Variants in WEE2 observed in about 807,000 individuals in gnomAD.
The protein encoded by WEE2 is WEE2 oocyte meiosis inhibiting kinase.
Under a neutral mutation model 60.1 loss-of-function variants are expected in WEE2, and 50 were observed. That is an observed-to-expected ratio of 0.83 (90% CI 0.66 to 1.05). WEE2 has a LOEUF of 1.05. Among genes scored for constraint, WEE2 ranks in the 50% least tolerant of loss-of-function variants. WEE2 has a pLI of 0.00. For missense variants in WEE2, 631 were observed against 684.3 expected, an observed-to-expected ratio of 0.92 and a Z score of 0.87; for synonymous variants, 240 against 241.0, an observed-to-expected ratio of 1.00 and a Z score of 0.04.
chr7:141,712,717 C>T (rs1033364898), intron 1 of WEE2, among the ~76,000 whole-genome samples: 3 of 151,988 alleles, frequency 2.0e-5, no homozygotes, highest in African/African-American at 7.3e-5. Flanking sequence ...TTTTCTAGGC[C>T]CCTTATACTT....
rs1232682789 is a variant in WEE2 at position 141,725,208 on chromosome 7, T to TA, written c.1392+13dup. 19 of 1,607,568 alleles carry TA rather than the reference T, an allele frequency of 1.2e-5. No homozygotes were observed. Among genetic ancestry groups the TA allele is most frequent in the Admixed American group, 5.1e-5 (3 of 58,402 alleles). ...CCAGTCTGCTCAAGGTGATAGCTCTTACGAGATGAACAGAAGATGCAATAT... is the reference window on the plus strand; with the variant it reads ...CCAGTCTGCTCAAGGTGATAGCTCTTAACGAGATGAACAGAAGATGCAATAT... On this transcript the variant is annotated intron_variant, in intron 9 of 11. Coordinates refer to ENST00000397541, the MANE Select transcript of WEE2 (RefSeq NM_001105558.1).
intron 1 of WEE2, among the ~76,000 whole-genome samples, chr7:141,712,007 G>A (rs4726469): frequency 0.66 from 99,709 of 152,034 alleles, 34,288 homozygotes; most frequent in African/African-American, 0.88. Context: ...ATCTACCTCT[G>A]TAATCCAAAT....
Position 141,709,058 on chromosome 7 carries a change from C to G in WEE2, c.300C>G (p.Ser100Arg), listed in dbSNP as rs200952105. 2.5e-6 allele frequency: 4 copies of G among 1,613,982 alleles called. No homozygotes were observed. The East Asian group carries it at 8.9e-5, about 36-fold the overall frequency. Residue 100 changes from serine (S) to arginine (R), a missense_variant, in exon 1 of 12, where the codon AGC (serine) becomes AGG (arginine). Transcript: ENST00000397541. ...CTGAGACACCAGCCCAACCAGACAGCAGGAGCAAGCTGCTGCCCAGTGACA... is the reference window on the plus strand; with the variant it reads ...CTGAGACACCAGCCCAACCAGACAGGAGGAGCAAGCTGCTGCCCAGTGACA... ...KCPETPAQPDSRSKLLPSDSP... is the reference protein window; with the variant it reads ...KCPETPAQPDRRSKLLPSDSP...
At chr7:141,726,461 A>C (rs1352893545) in intron 9 of WEE2, among the ~76,000 whole-genome samples, 1 of 152,088 alleles carries the variant, frequency 6.6e-6, no homozygotes, top group Non-Finnish European at 1.5e-5. Flanking sequence ...TGCAAACTTC[A>C]AATGTATTTA....
chr7:141,710,530 C>G (rs1798693654), intron 1 of WEE2, among the ~76,000 whole-genome samples: 1 of 152,080 alleles, frequency 6.6e-6, no homozygotes, highest in African/African-American at 2.4e-5. Context: ...AAAGATTAAA[C>G]AAATGAAACA....
intron 3 of WEE2, among the ~76,000 whole-genome samples, chr7:141,718,739 G>C (rs142716634): frequency 6.6e-6 from 1 of 152,190 alleles, no homozygotes; most frequent in African/African-American, 2.4e-5. Flanking sequence ...GTTATTCTTT[G>C]AACTAAGGAC....
At chr7:141,718,232 A>C (rs1353904564) in intron 3 of WEE2, among the ~76,000 whole-genome samples, 1 of 152,160 alleles carries the variant, frequency 6.6e-6, no homozygotes, top group Non-Finnish European at 1.5e-5. Flanking sequence ...AGAAAAGATG[A>C]CTTTGGGAGA....
chr7:141,711,564 G>C lies in WEE2; in HGVS notation c.342+2464G>C, dbSNP rs1798711528. Reference sequence around the variant, plus strand: ...ATTCAGTTCACTGTAAGGACTTCCTGACAGAATCATCTAGAGATAGAAGAG... The same window carrying C: ...ATTCAGTTCACTGTAAGGACTTCCTCACAGAATCATCTAGAGATAGAAGAG... On this transcript the variant is annotated intron_variant, in intron 1 of 11. Transcript: ENST00000397541. This position sits in a 1 kb window ranked among gnomAD's most constrained non-coding sequence, Gnocchi z 4.2. Among the ~76,000 whole-genome samples the C allele has an allele frequency of 1.3e-5, 2 of 152,174 alleles. No homozygotes were observed. Among genetic ancestry groups the C allele is most frequent in the African/African-American group, 4.8e-5 (2 of 41,434 alleles).
At chr7:141,724,936 A>G (rs964176588) in intron 8 of WEE2, 90 bp from the exon 9 acceptor site, 5 of 1,434,230 alleles carry the variant, frequency 3.5e-6, no homozygotes, top group South Asian at 1.3e-5. Context: ...CCTTATATGC[A>G]CTCGAATGAA....
chr7:141,715,471 G>A (rs1018486100), intron 2 of WEE2, among the ~76,000 whole-genome samples: 2 of 152,160 alleles, frequency 1.3e-5, no homozygotes, highest in Admixed American at 6.5e-5. Flanking sequence ...TTCCATGAAT[G>A]TAGTGCCTTC....
At chr7:141,717,107 G>A (rs1798817537) in intron 3 of WEE2, among the ~76,000 whole-genome samples, 2 of 152,180 alleles carry the variant, frequency 1.3e-5, no homozygotes, top group South Asian at 4.1e-4. Context: ...TGTTTAGTGT[G>A]CAAAAGACTC....
intron 8 of WEE2, 90 bp from the exon 9 acceptor site, chr7:141,724,936 A>C (rs964176588): frequency 1.3e-5 from 19 of 1,434,230 alleles, no homozygotes; most frequent in Non-Finnish European, 1.8e-5. Flanking sequence ...CCTTATATGC[A>C]CTCGAATGAA....
At chr7:141,729,112 T>G (rs1799077530) in intron 10 of WEE2, among the ~76,000 whole-genome samples, 1 of 152,252 alleles carries the variant, frequency 6.6e-6, no homozygotes, top group Non-Finnish European at 1.5e-5. Flanking sequence ...TCAGCTCTGC[T>G]GTTATATGTT....
At chr7:141,709,525 ATTG>A (rs1022844321) in intron 1 of WEE2, among the ~76,000 whole-genome samples, 64 of 152,280 alleles carry the variant, frequency 4.2e-4, no homozygotes, top group Admixed American at 3.7e-3. Flanking sequence ...GGCCTAGTCT[ATTG>A]TTCTTTCCAT....
At chr7:141,727,265 G>A (rs1799033912) in intron 9 of WEE2, 39 bp from the exon 10 acceptor site, 3 of 1,580,108 alleles carry the variant, frequency 1.9e-6, no homozygotes, top group Non-Finnish European at 2.6e-6. Flanking sequence ...TCCCAATAGT[G>A]AAGCTTCTGT....
intron 1 of WEE2, among the ~76,000 whole-genome samples, 173 bp downstream of exon 1, chr7:141,709,273 G>C (rs1370097701): frequency 6.6e-6 from 1 of 152,216 alleles, no homozygotes; most frequent in Non-Finnish European, 1.5e-5. Context: ...AAAATGGACA[G>C]AATTAAATGG....
chr7:141,725,346 TC>T, intron 9 of WEE2, 150 bp downstream of exon 9: 2 of 919,994 alleles, frequency 2.2e-6, no homozygotes, highest in Non-Finnish European at 3.2e-6. Context: ...AAGGGGCGGG[TC>T]CAGGCATGGT....
intron 2 of WEE2, among the ~76,000 whole-genome samples, chr7:141,714,745 G>A (rs562420595): frequency 1.3e-5 from 2 of 152,326 alleles, no homozygotes; most frequent in African/African-American, 2.4e-5. Flanking sequence ...GTTGGGGAAC[G>A]TGTAGCTCAA....
chr7:141,710,892 G>C (rs961156879), intron 1 of WEE2, among the ~76,000 whole-genome samples: 2 of 152,150 alleles, frequency 1.3e-5, no homozygotes, highest in Non-Finnish European at 2.9e-5. Flanking sequence ...GTTTTGAGTA[G>C]AGGGATTTTT....
Sources: gnomAD v4.1 joint callset for allele counts (sites outside exome capture counted in the v4.1 genomes callset) on GRCh38, gnomAD v4.1.1 for gene constraint, Gnocchi (gnomAD v3.1) non-coding constraint, MANE v1.5 for transcripts, NCBI Gene and HGNC (gene_info 2026-07-23, HGNC 2026-07-21) for gene names.